PAM: variants seen among roughly 807,000 people sequenced by gnomAD.
PAM encodes the protein peptidylglycine alpha-amidating monooxygenase.
Under a neutral mutation model 122.1 loss-of-function variants are expected in PAM, and 72 were observed. The ratio of observed to expected loss-of-function variants is 0.59; its 90% CI spans 0.49 to 0.72. The LOEUF (loss-of-function observed/expected upper bound fraction) is 0.72. Ranked by LOEUF, PAM falls within the 30% of genes least tolerant of loss-of-function variation. The pLI is 0.00. For synonymous variants in PAM, 389 were observed against 404.4 expected (o/e 0.96, Z 0.46); for missense variants, 1,106 against 1,183.7 (o/e 0.93, Z 0.96).
chr5:102,872,863 G>A (rs746196025), intron 3 of PAM, among the ~76,000 whole-genome samples: 6 of 152,026 alleles, frequency 3.9e-5, no homozygotes, highest in South Asian at 2.1e-4. Context: ...AAAGATGTAC[G>A]TATCCTCAGT....
chr5:102,986,971 G>A (rs1320014808), intron 15 of PAM, among the ~76,000 whole-genome samples: 1 of 152,072 alleles, frequency 6.6e-6, no homozygotes, highest in Non-Finnish European at 1.5e-5. Flanking sequence ...AAATTACCCA[G>A]TCTCAGGTAT....
At position 102,836,859 on chromosome 5, in the gene PAM, C is replaced by CGAGAGAGAGAGAGAGAGAGA. The variant is rs57617414; in HGVS notation, c.-373-28944_-373-28925dup. On this transcript the variant is annotated intron_variant, in intron 1 of 25. Transcript: ENST00000438793. ...ATTATGGATGGACCAAGAAAGAAACCGAGAGAGAGAGAGAGAGAGAGAGAG... is the reference window on the plus strand; with the variant it reads ...ATTATGGATGGACCAAGAAAGAAACCGAGAGAGAGAGAGAGAGAGAGAGAGAGAGAGAGAGAGAGAGAGAG... Among the ~76,000 whole-genome samples the CGAGAGAGAGAGAGAGAGAGA allele has an allele frequency of 1.6e-3, 191 of 120,806 alleles. 9 individuals are homozygous for CGAGAGAGAGAGAGAGAGAGA. Among genetic ancestry groups the CGAGAGAGAGAGAGAGAGAGA allele is most frequent in the African/African-American group, 5.7e-3 (159 of 28,020 alleles). The allele number at this position is 120,806 out of a possible 152,430, so 79.3% of individuals were successfully genotyped here.
intron 4 of PAM, among the ~76,000 whole-genome samples, chr5:102,912,834 A>C (rs1801823321): frequency 6.6e-6 from 1 of 152,020 alleles, no homozygotes. Context: ...TCTTACTTTC[A>C]TTGCAGTAAA....
chr5:102,772,706 T>G lies in PAM; in HGVS notation c.-374+17358T>G, dbSNP rs114670485. Among the ~76,000 whole-genome samples, 1,340 of 152,250 alleles carry G rather than the reference T, an allele frequency of 8.8e-3. 20 individuals are homozygous for G. Among genetic ancestry groups the G allele is most frequent in the African/African-American group, 0.031 (1,285 of 41,556 alleles). On this transcript the variant is annotated intron_variant, in intron 1 of 25. Coordinates refer to ENST00000438793, the MANE Select transcript of PAM (RefSeq NM_001177306.2). Reference sequence around the variant, plus strand: ...TATAAAATAAAACACATTTACAAATTAAATGCCAACAAAACTATAACACAA... The same window carrying G: ...TATAAAATAAAACACATTTACAAATGAAATGCCAACAAAACTATAACACAA...
chr5:102,908,046 C>G (rs949042381), intron 4 of PAM, among the ~76,000 whole-genome samples: 7 of 151,978 alleles, frequency 4.6e-5, no homozygotes, highest in Non-Finnish European at 8.8e-5. Flanking sequence ...AAGTCCTTGC[C>G]CATGCCTATG....
chr5:102,949,898 A>T lies in PAM; in HGVS notation c.725-4A>T. 1 of 1,482,464 alleles carries T rather than the reference A, an allele frequency of 6.7e-7. No individual in the cohort carries two copies. The highest frequency in any genetic ancestry group is 9.4e-7 in the Non-Finnish European group (1 of 1,064,332). The allele number at this position is 1,482,464 out of a possible 1,614,324, so 91.8% of individuals were successfully genotyped here. A position where few individuals can be genotyped will look rare whatever the true frequency, so the allele number is the denominator to read the frequency against. On this transcript the variant is annotated splice_region_variant and splice_polypyrimidine_tract_variant and intron_variant, in intron 10 of 25. Transcript: ENST00000438793. ...TAAATGATTAAAATTTGTGTTTATT[A>T]CAGGTAAGGTAGTAAGTGGATACAG...
chr5:102,949,438 C>G, intron 9 of PAM, 99 bp from the exon 10 acceptor site: 1 of 760,766 alleles, frequency 1.3e-6, no homozygotes, highest in Non-Finnish European at 2.4e-6. Flanking sequence ...AAACCTCAGT[C>G]CCTAGCATCT....
intron 1 of PAM, among the ~76,000 whole-genome samples, chr5:102,770,479 A>T (rs1755436571): frequency 6.6e-6 from 1 of 152,130 alleles, no homozygotes; most frequent in South Asian, 2.1e-4. Context: ...TTTCCCATCC[A>T]GTAAGATACT....
chr5:102,965,574 A>G (rs1303694718), intron 14 of PAM, among the ~76,000 whole-genome samples: 2 of 152,038 alleles, frequency 1.3e-5, no homozygotes, highest in African/African-American at 4.8e-5. Context: ...ATTATGCTCT[A>G]GACAACATTT....
chr5:102,926,690 C>G (rs751407648), intron 7 of PAM, 22 bp downstream of exon 7: 2 of 1,152,960 alleles, frequency 1.7e-6, no homozygotes, highest in African/African-American at 1.5e-5. Context: ...AGTGTTGGAA[C>G]TAAGCAAAAC....
At chr5:102,813,043 TAGAGA>T (rs1339967405) in intron 1 of PAM, among the ~76,000 whole-genome samples, 1 of 151,728 alleles carries the variant, frequency 6.6e-6, no homozygotes, top group Non-Finnish European at 1.5e-5. Context: ...TACAGTAAAT[TAGAGA>T]AGAGATGAAA....
At chr5:102,763,363 A>C (rs909207588) in intron 1 of PAM, among the ~76,000 whole-genome samples, 1 of 152,184 alleles carries the variant, frequency 6.6e-6, no homozygotes, top group Admixed American at 6.5e-5. Flanking sequence ...ATATTCATTC[A>C]GTGTCAGCCA....
intron 14 of PAM, among the ~76,000 whole-genome samples, chr5:102,967,586 A>T (rs1450233818): frequency 6.6e-6 from 1 of 152,284 alleles, no homozygotes; most frequent in African/African-American, 2.4e-5. Flanking sequence ...TTTATATAAA[A>T]CTATAGTTCT....
At chr5:102,821,838 A>G (rs184835736) in intron 1 of PAM, among the ~76,000 whole-genome samples, 2 of 152,348 alleles carry the variant, frequency 1.3e-5, no homozygotes, top group Admixed American at 1.3e-4. Flanking sequence ...GAAATAATAT[A>G]TAATGAAAGC....
intron 14 of PAM, among the ~76,000 whole-genome samples, chr5:102,967,716 CTTTT>C (rs199841427): frequency 7.6e-6 from 1 of 131,054 alleles, no homozygotes; most frequent in African/African-American, 2.8e-5. Flanking sequence ...AAAACTAGGC[CTTTT>C]TTTTTTTTTT....
At chr5:102,925,792 A>AC (rs1209822366) in intron 6 of PAM, among the ~76,000 whole-genome samples, 1 of 152,134 alleles carries the variant, frequency 6.6e-6, no homozygotes, top group African/African-American at 2.4e-5. Context: ...AAAAAAAAAA[A>AC]AGTATACTTC....
chr5:102,872,580 G>T (rs1312472653), intron 3 of PAM, among the ~76,000 whole-genome samples: 3 of 152,064 alleles, frequency 2.0e-5, no homozygotes, highest in Non-Finnish European at 4.4e-5. Flanking sequence ...CAGCTTTCAT[G>T]GGCTTTTCTT....
At chr5:102,994,727 G>A (rs1244854317) in intron 16 of PAM, among the ~76,000 whole-genome samples, 3 of 152,030 alleles carry the variant, frequency 2.0e-5, no homozygotes, top group Non-Finnish European at 4.4e-5. Flanking sequence ...ATTGAATTCA[G>A]GGCTTTATTC....
At chr5:102,834,444 A>G (rs963203532) in intron 1 of PAM, among the ~76,000 whole-genome samples, 6 of 152,186 alleles carry the variant, frequency 3.9e-5, no homozygotes, top group African/African-American at 1.4e-4. Flanking sequence ...GTTCTCTCAT[A>G]GAGTGTTCAG....
Sources: gnomAD v4.1 joint callset for allele counts (sites outside exome capture counted in the v4.1 genomes callset) on GRCh38, gnomAD v4.1.1 for gene constraint, MANE v1.5 for transcripts, NCBI Gene and HGNC (gene_info 2026-07-23, HGNC 2026-07-21) for gene names.